The following NDST4 variants were observed in gnomAD, a reference collection of about 807,000 sequenced individuals.
NDST4 encodes the protein N-heparan sulfate sulfotransferase 4.
Under a neutral mutation model 100.8 loss-of-function variants are expected in NDST4, and 63 were observed. The observed-to-expected ratio is 0.62, with a 90% CI of 0.51 to 0.77. The LOEUF is 0.77. Ranked by LOEUF, NDST4 falls within the 30% of genes least tolerant of loss-of-function variation. The pLI is 0.00. For missense variants in NDST4, 943 were observed against 1,018.4 expected (o/e 0.93, Z 1.01); for synonymous variants, 377 against 361.8 (o/e 1.04, Z -0.48).
intron 1 of NDST4, among the ~76,000 whole-genome samples, chr4:115,097,559 G>A (rs1297622777): frequency 6.6e-6 from 1 of 151,984 alleles, no homozygotes; most frequent in East Asian, 1.9e-4. Context: ...CAATTCCCAT[G>A]GCTATCACCT....
intron 6 of NDST4, among the ~76,000 whole-genome samples, chr4:114,902,230 T>C (rs1236031053): frequency 6.6e-6 from 1 of 152,036 alleles, no homozygotes; most frequent in East Asian, 1.9e-4. Context: ...ATTTTCCTTC[T>C]GTTTAAAAAA....
At chr4:114,849,182 G>A (rs1036772276) in intron 8 of NDST4, among the ~76,000 whole-genome samples, 3 of 152,164 alleles carry the variant, frequency 2.0e-5, no homozygotes, top group Non-Finnish European at 4.4e-5. Flanking sequence ...CATTGCAGAG[G>A]TCTCAAATGT....
intron 6 of NDST4, among the ~76,000 whole-genome samples, chr4:114,881,894 G>C (rs574829206): frequency 1.3e-5 from 2 of 152,040 alleles, no homozygotes; most frequent in Non-Finnish European, 2.9e-5. Context: ...ACATATTGAA[G>C]TGTACATTTT....
chr4:114,847,416 A>AAAAAAAAAAAAAAT lies in NDST4; in HGVS notation c.1940+798_1940+799insATTTTTTTTTTTTT, dbSNP rs1391736224. On this transcript the variant is annotated intron_variant, in intron 9 of 13. Transcript: ENST00000264363. Reference sequence around the variant, plus strand: ...AAAAAAAAAAAAAAAAAAAAAAAAAAGTGTCTTTCATTGCAAACAGGTTCA... The same window carrying AAAAAAAAAAAAAAT: ...AAAAAAAAAAAAAAAAAAAAAAAAAAAAAAAAAAAAAAATGTGTCTTTCATTGCAAACAGGTTCA... Among the ~76,000 whole-genome samples the AAAAAAAAAAAAAAT allele has an allele frequency of 5.8e-5, 6 of 103,642 alleles. 1 individual carries two copies. The highest frequency in any genetic ancestry group is 2.1e-4 in the Admixed American group (2 of 9,732). 68.0% of individuals were successfully genotyped at this position (103,642 alleles called of 152,430 possible). A position where few individuals can be genotyped will look rare whatever the true frequency, so the allele number is the denominator to read the frequency against.
chr4:115,076,824 A>G lies in NDST4; in HGVS notation c.213T>C (p.Ile71=). 1.2e-6 allele frequency: 2 copies of G among 1,613,932 alleles called. No homozygotes were observed. Among genetic ancestry groups the G allele is most frequent in the Non-Finnish European group, 1.7e-6 (2 of 1,179,910 alleles). Residue 71 remains isoleucine, a synonymous_variant, in exon 2 of 14, where the codon ATT becomes ATC. Coordinates refer to ENST00000264363, the MANE Select transcript of NDST4 (RefSeq NM_022569.3). ...RSMELKTVKP[I]DTSKTDPTVL... ...CAGTAGGGTCCGTTTTGGATGTGTC[A>G]ATAGGTTTAACTGTTTTCAGCTCCA...
intron 6 of NDST4, among the ~76,000 whole-genome samples, chr4:114,898,922 G>A (rs1161822957): frequency 2.0e-5 from 3 of 149,592 alleles, no homozygotes; most frequent in Non-Finnish European, 3.0e-5. Flanking sequence ...GTTTTTTTTT[G>A]TCAATTATCT....
intron 4 of NDST4, among the ~76,000 whole-genome samples, chr4:114,965,324 A>G (rs1198331130): frequency 1.3e-5 from 2 of 152,046 alleles, no homozygotes; most frequent in African/African-American, 2.4e-5. Flanking sequence ...TTTCTTTTTA[A>G]TATGACACAT....
At chr4:115,103,933 G>A (rs1400769669) in intron 1 of NDST4, among the ~76,000 whole-genome samples, 1 of 152,112 alleles carries the variant, frequency 6.6e-6, no homozygotes, top group Non-Finnish European at 1.5e-5. Flanking sequence ...TTCTTGAGAT[G>A]TTCCTATTTT....
intron 10 of NDST4, among the ~76,000 whole-genome samples, chr4:114,840,940 TA>T (rs904266657): frequency 1.3e-5 from 2 of 152,218 alleles, no homozygotes; most frequent in African/African-American, 4.8e-5. Flanking sequence ...TATTTATTGA[TA>T]TTTTTACATG....
chr4:115,085,089 C>T (rs578002070), intron 1 of NDST4, among the ~76,000 whole-genome samples: 10 of 152,296 alleles, frequency 6.6e-5, no homozygotes, highest in African/African-American at 2.2e-4. Context: ...CCACCTCTTG[C>T]GTCAGCATGA....
chr4:114,952,244 T>C (rs149519887), intron 4 of NDST4, among the ~76,000 whole-genome samples: 1 of 152,274 alleles, frequency 6.6e-6, no homozygotes, highest in Non-Finnish European at 1.5e-5. Context: ...GTGATATAAA[T>C]AGCTCATTTT....
intron 8 of NDST4, among the ~76,000 whole-genome samples, chr4:114,848,966 A>T (rs1723616628): frequency 6.6e-6 from 1 of 152,180 alleles, no homozygotes; most frequent in South Asian, 2.1e-4. Flanking sequence ...GGTGATTTAG[A>T]CTTGGGAAAT....
In NDST4 at chr4:114,896,852, T is replaced by G. The variant is rs73850728; in HGVS notation, c.1537-25902A>C. ...TTATGATTTTGTCACCTTCTCTTTA[T>G]GTTTCCCAGAAGTCAACCATGTACA... On this transcript the variant is annotated intron_variant, in intron 6 of 13. Transcript: ENST00000264363. Among the ~76,000 whole-genome samples, 1,295 of 152,296 alleles carry G rather than the reference T, an allele frequency of 8.5e-3. 19 individuals are homozygous for G. The highest frequency in any genetic ancestry group is 0.029 in the African/African-American group (1,200 of 41,556).
chr4:114,970,917 T>C (rs577671640), intron 3 of NDST4, among the ~76,000 whole-genome samples: 1 of 152,222 alleles, frequency 6.6e-6, no homozygotes, highest in African/African-American at 2.4e-5. Context: ...TAAGGGTAAT[T>C]CTCAAATAAT....
At chr4:115,013,370 T>TATATATATATATATATATAA (rs74678897) in intron 2 of NDST4, among the ~76,000 whole-genome samples, 1 of 71,450 alleles carries the variant, frequency 1.4e-5, no homozygotes, top group Non-Finnish European at 3.2e-5. Flanking sequence ...TATATATATA[T>TATATATATATATATATATAA]ACACACACAT....
At chr4:114,918,517 A>G (rs1472081088) in intron 6 of NDST4, among the ~76,000 whole-genome samples, 2 of 151,620 alleles carry the variant, frequency 1.3e-5, no homozygotes, top group Non-Finnish European at 2.9e-5. Flanking sequence ...CAATGTGCAC[A>G]TGTACCCTAA....
chr4:114,852,561 G>C (rs1479716950), intron 8 of NDST4, among the ~76,000 whole-genome samples, 164 bp downstream of exon 8: 1 of 152,084 alleles, frequency 6.6e-6, no homozygotes, highest in African/African-American at 2.4e-5. Context: ...TGAGGTTCAT[G>C]GTATAAATGC....
chr4:114,870,597 T>A (rs1322043552), intron 7 of NDST4, among the ~76,000 whole-genome samples, 171 bp downstream of exon 7: 1 of 151,976 alleles, frequency 6.6e-6, no homozygotes, highest in Non-Finnish European at 1.5e-5. Flanking sequence ...ATGCAAACAA[T>A]TCATAAAATA....
chr4:114,986,027 A>G (rs1056243493), intron 2 of NDST4, among the ~76,000 whole-genome samples: 4 of 152,212 alleles, frequency 2.6e-5, no homozygotes, highest in Non-Finnish European at 4.4e-5. Context: ...TGCACACAAA[A>G]TGTATATATA....
Sources: allele counts gnomAD v4.1 joint callset (sites outside exome capture counted in the v4.1 genomes callset), GRCh38; gene constraint gnomAD v4.1.1; transcripts MANE v1.5; gene names NCBI Gene and HGNC (gene_info 2026-07-23, HGNC 2026-07-21).